The following TRIM67 variants were observed in gnomAD, a reference collection of about 807,000 sequenced individuals.
TRIM67 encodes the protein tripartite motif containing 67, also known as tripartite motif-containing protein 67.
In TRIM67, 39 loss-of-function variants were observed where a neutral mutation model predicts 71.0. The observed-to-expected ratio is 0.55, with a 90% CI of 0.43 to 0.72. TRIM67 has a LOEUF of 0.72. Among genes scored for constraint, TRIM67 ranks in the 30% least tolerant of loss-of-function variants. The pLI is 0.00. For synonymous variants in TRIM67, 481 were observed against 473.9 expected (o/e 1.01, Z -0.19); for missense variants, 973 against 1,079.2 (o/e 0.90, Z 1.38).
intron 1 of TRIM67, among the ~76,000 whole-genome samples, chr1:231,173,776 C>G (rs551835754): frequency 4.6e-5 from 7 of 152,222 alleles, no homozygotes; most frequent in African/African-American, 1.4e-4. Context: ...TAAAAGAGCT[C>G]TCTGACGGTG....
chr1:231,181,630 C>A (rs1484834342), intron 1 of TRIM67, among the ~76,000 whole-genome samples: 3 of 152,166 alleles, frequency 2.0e-5, no homozygotes, highest in South Asian at 2.1e-4. Flanking sequence ...AAGAAAAAAA[C>A]TTTAAAAATC....
At chr1:231,197,517 C>T (rs1489357065) in intron 2 of TRIM67, 51 bp downstream of exon 2, 8 of 1,539,412 alleles carry the variant, frequency 5.2e-6, no homozygotes, top group South Asian at 3.4e-5. Context: ...AAAGTTTGCA[C>T]GTTGTGCATC....
At chr1:231,165,577 G>T (rs1682438289) in intron 1 of TRIM67, among the ~76,000 whole-genome samples, 1 of 152,164 alleles carries the variant, frequency 6.6e-6, no homozygotes, top group African/African-American at 2.4e-5. Flanking sequence ...GAGAAAACAT[G>T]AGCTGGCAAC....
intron 1 of TRIM67, among the ~76,000 whole-genome samples, chr1:231,185,869 A>G (rs1013409696): frequency 2.6e-5 from 4 of 151,880 alleles, no homozygotes; most frequent in African/African-American, 7.3e-5. Flanking sequence ...TCTGGGGGGA[A>G]GACTTCGTGG....
At chr1:231,215,262 T>G (rs1322960983) in intron 9 of TRIM67, 113 bp from the exon 10 acceptor site, 1 of 1,439,860 alleles carries the variant, frequency 6.9e-7, no homozygotes, top group Non-Finnish European at 9.2e-7. Context: ...AGCTATTGCA[T>G]GGATGGCCCT....
chr1:231,203,874 C>T lies in TRIM67; in HGVS notation c.1542C>T (p.Pro514=), dbSNP rs185696009. The T allele has an allele frequency of 4.8e-4, 771 of 1,613,330 alleles. 13 individuals are homozygous for T. In the African/African-American group the frequency reaches 8.6e-3, roughly 18 times the overall value. The change falls in exon 6 of 10, where the codon CCC becomes CCT. Residue 514 remains proline (P), a synonymous_variant. Coordinates refer to ENST00000366653, the MANE Select transcript of TRIM67 (RefSeq NM_001004342.5). ...DFIQMKCRVP[P]VPLLQLEKCC... ...TGTGTGTCCCCCTCGCAGTGCCACC[C>T]GTCCCCCTACTGCAGCTGGAGAAAT...
chr1:231,192,925 AC>A (rs1308120307), intron 1 of TRIM67, among the ~76,000 whole-genome samples: 1 of 152,170 alleles, frequency 6.6e-6, no homozygotes, highest in African/African-American at 2.4e-5. Context: ...CTCCTTCAAA[AC>A]CACTCTGTTT....
Position 231,215,443 on chromosome 1 carries a change from C to G in TRIM67, c.*3C>G, listed in dbSNP as rs774713624. 1 of 1,606,618 alleles carries G rather than the reference C, an allele frequency of 6.2e-7. No homozygotes were observed. The stretch of plus-strand genomic sequence containing the variant: ...GGCCAAAGCTGTCAGGCAATTAGCC[C>G]CGCTCCAGCTCGGCACTGTGCCTGT... On this transcript the variant is annotated 3_prime_UTR_variant, in exon 10 of 10. Coordinates refer to ENST00000366653, the MANE Select transcript of TRIM67 (RefSeq NM_001004342.5).
At chr1:231,189,623 G>A (rs1028580532) in intron 1 of TRIM67, among the ~76,000 whole-genome samples, 1 of 152,146 alleles carries the variant, frequency 6.6e-6, no homozygotes, top group Non-Finnish European at 1.5e-5. Context: ...CAAGATCAGT[G>A]CCTAGCAGAT....
intron 1 of TRIM67, among the ~76,000 whole-genome samples, chr1:231,175,932 A>G (rs1331158655): frequency 2.0e-5 from 3 of 152,208 alleles, no homozygotes; most frequent in Admixed American, 2.0e-4. Context: ...GTCTCAGGGC[A>G]TCTGGGCAAA....
Position 231,162,675 on chromosome 1 carries a change from C to A in TRIM67, c.-295C>A. 1 of 422,120 alleles carries A rather than the reference C, an allele frequency of 2.4e-6. No individual in the cohort carries two copies. Among genetic ancestry groups the A allele is most frequent in the South Asian group, 3.1e-5 (1 of 32,108 alleles). The allele number at this position is 422,120 out of a possible 1,614,324, so 26.1% of individuals were successfully genotyped here. The stretch of plus-strand genomic sequence containing the variant: ...TTCATCACCTAAAGCTCCTCGCAGG[C>A]CACCGCGAGGGCAGCCGACCGGCTC... On this transcript the variant is annotated 5_prime_UTR_variant, in exon 1 of 10. Coordinates refer to ENST00000366653, the MANE Select transcript of TRIM67 (RefSeq NM_001004342.5).
At chr1:231,202,132 T>TGGA (rs201487728) in intron 5 of TRIM67, among the ~76,000 whole-genome samples, 1 of 3,288 alleles carries the variant, frequency 3.0e-4, no homozygotes, top group African/African-American at 1.0e-3. Flanking sequence ...GAGGAGGAGA[T>TGGA]GGAGGAGGAG....
intron 9 of TRIM67, among the ~76,000 whole-genome samples, chr1:231,214,766 G>A (rs896102854): frequency 1.4e-4 from 18 of 130,460 alleles, no homozygotes; most frequent in Admixed American, 1.1e-3. Flanking sequence ...GTGATAGAGC[G>A]AGACTTCATC....
chr1:231,215,833 G>T lies in TRIM67; in HGVS notation c.*393G>T. ...TGAGACTGGCCTCCTGAGAGCGGCA[G>T]TCAGGAGCTGCGCTGTAATCCCACG... On this transcript the variant is annotated 3_prime_UTR_variant, in exon 10 of 10. Transcript: ENST00000366653. 2 of 1,014,930 alleles carry T rather than the reference G, an allele frequency of 2.0e-6. No homozygotes were observed. The highest frequency in any genetic ancestry group is 4.9e-4 in the Middle Eastern group (1 of 2,050). The allele number at this position is 1,014,930 out of a possible 1,614,324, so 62.9% of individuals were successfully genotyped here.
chr1:231,190,492 C>A (rs145715032), intron 1 of TRIM67, among the ~76,000 whole-genome samples: 23 of 152,190 alleles, frequency 1.5e-4, no homozygotes, highest in African/African-American at 5.1e-4. Context: ...CAACCCCTGG[C>A]TCCTAGTTCT....
intron 5 of TRIM67, among the ~76,000 whole-genome samples, chr1:231,202,113 GTAA>G (rs140600767): frequency 5.6e-4 from 1 of 1,774 alleles, no homozygotes; most frequent in Non-Finnish European, 1.6e-3. Context: ...GGAGGAGGAG[GTAA>G]TGGTGGAGGA....
At chr1:231,200,745 T>A (rs2102749650) in intron 4 of TRIM67, among the ~76,000 whole-genome samples, 1 of 152,238 alleles carries the variant, frequency 6.6e-6, no homozygotes, top group Middle Eastern at 3.4e-3. Flanking sequence ...CCTTTGTCGG[T>A]GGGGAAAATG....
chr1:231,201,327 C>A (rs561468443), intron 4 of TRIM67, 31 bp from the exon 5 acceptor site: 3 of 1,595,068 alleles, frequency 1.9e-6, no homozygotes, highest in South Asian at 2.3e-5. Flanking sequence ...CTTTGCAAAG[C>A]AAAACCTTAA....
In TRIM67 at chr1:231,219,150, A is replaced by G; in HGVS notation, c.*3710A>G. The G allele has an allele frequency of 1.0e-6, 1 of 985,400 alleles. No homozygotes were observed. Among genetic ancestry groups the G allele is most frequent in the Non-Finnish European group, 1.2e-6 (1 of 829,956 alleles). The allele number at this position is 985,400 out of a possible 1,614,324, so 61.0% of individuals were successfully genotyped here. A position where few individuals can be genotyped will look rare whatever the true frequency, so the allele number is the denominator to read the frequency against. On this transcript the variant is annotated 3_prime_UTR_variant, in exon 10 of 10. Coordinates refer to ENST00000366653, the MANE Select transcript of TRIM67 (RefSeq NM_001004342.5). ...AGTCAACATGTGAATGCTAAAGAAC[A>G]CTGCTGCACAGCCCGTGGGGTGGCG...
Sources: gnomAD v4.1 joint callset for allele counts (sites outside exome capture counted in the v4.1 genomes callset) on GRCh38, gnomAD v4.1.1 for gene constraint, MANE v1.5 for transcripts, NCBI Gene and HGNC (gene_info 2026-07-23, HGNC 2026-07-21) for gene names.